Variants in FRMPD4 observed in about 807,000 individuals in gnomAD.
FRMPD4 encodes the protein FERM and PDZ domain containing 4.
In FRMPD4, 22 loss-of-function variants were observed where a neutral mutation model predicts 94.1. The ratio of observed to expected loss-of-function variants is 0.23; its 90% CI spans 0.17 to 0.33. FRMPD4 has a LOEUF of 0.33. Ranked by LOEUF, FRMPD4 falls within the 10% of genes least tolerant of loss-of-function variation. The pLI is 1.00. For synonymous variants in FRMPD4, 631 were observed against 548.6 expected (o/e 1.15, Z -2.10); for missense variants, 1,111 against 1,339.9 (o/e 0.83, Z 2.67).
rs139242886 is a variant in FRMPD4 at position 12,206,521 on chromosome X, T to C, written c.41+67509T>C. 7.2e-3 allele frequency among the ~76,000 whole-genome samples: 804 copies of C among 111,982 alleles called. 15 individuals are homozygous for C. In the East Asian group the frequency reaches 0.1, roughly 14 times the overall value. On this transcript the variant is annotated intron_variant, in intron 1 of 16. Coordinates refer to ENST00000675598, the MANE Select transcript of FRMPD4 (RefSeq NM_001368397.1). ...CAATCAGACATACTAACACCTGTCC[T>C]TGAATTAGTAGCTCATGGTTTGGAG...
chrX:12,387,065 T>G (rs917852563), intron 1 of FRMPD4, among the ~76,000 whole-genome samples: 2 of 112,386 alleles, frequency 1.8e-5, no homozygotes, highest in Admixed American at 1.9e-4. Context: ...CTGTATTTAG[T>G]TTTAACTTTG....
chrX:12,378,351 A>G (rs1255677845), intron 1 of FRMPD4, among the ~76,000 whole-genome samples: 1 of 112,518 alleles, frequency 8.9e-6, no homozygotes, highest in Non-Finnish European at 1.9e-5. Flanking sequence ...TGCTTTTTCA[A>G]TTAGTTTTAA....
chrX:12,085,196 G>A (rs370706525), intron 3 of FRMPD4, among the ~76,000 whole-genome samples: 84 of 112,007 alleles, frequency 7.5e-4, no homozygotes, highest in African/African-American at 2.4e-3. Context: ...AAGTCTTCAT[G>A]TGGATCTACC....
chrX:12,383,937 G>C (rs1338027647), intron 1 of FRMPD4, among the ~76,000 whole-genome samples: 1 of 111,083 alleles, frequency 9.0e-6, no homozygotes, highest in Non-Finnish European at 1.9e-5. Flanking sequence ...TTAAGTTACA[G>C]GTGAGACCAC....
intron 2 of FRMPD4, among the ~76,000 whole-genome samples, chrX:12,520,733 A>T (rs2058153236): frequency 8.9e-6 from 1 of 112,058 alleles, no homozygotes; most frequent in Non-Finnish European, 1.9e-5. Context: ...CATTCTCAGA[A>T]TCAGCCATGC....
intron 3 of FRMPD4, among the ~76,000 whole-genome samples, chrX:11,916,582 G>A (rs1054488393): frequency 1.8e-5 from 2 of 111,242 alleles, no homozygotes; most frequent in African/African-American, 3.3e-5. Context: ...GACTTCAGGA[G>A]AAGGGTTGGG....
intron 3 of FRMPD4, chrX:12,054,781 A>T (rs1197462116): frequency 8.9e-6 from 1 of 112,069 alleles, no homozygotes; most frequent in Admixed American, 9.5e-5. Context: ...GTGTATATCA[A>T]TTTTTTTAAG....
At position 12,048,972 on chromosome X, in the gene FRMPD4, C is replaced by CT. The variant is rs773742318; in HGVS notation, c.95+170960dup. Among the ~76,000 whole-genome samples the CT allele has an allele frequency of 4.9e-3, 549 of 111,342 alleles. 3 individuals carry two copies. The highest frequency in any genetic ancestry group is 0.017 in the African/African-American group (527 of 30,678). Reference sequence around the variant, plus strand: ...TAGGATTGCTTTGTCTATTCAGGCTCTTTTTTGGTTACATATGAATTTTAG... The same window carrying CT: ...TAGGATTGCTTTGTCTATTCAGGCTCTTTTTTTGGTTACATATGAATTTTAG... On this transcript the variant is annotated intron_variant, in intron 3 of 18. Transcript: ENST00000640291.
At chrX:12,310,435 A>AC (rs372869950) in intron 1 of FRMPD4, among the ~76,000 whole-genome samples, 47,992 of 110,616 alleles carry the variant, frequency 0.43, 8,069 homozygotes, top group African/African-American at 0.61. Context: ...CGTGCAAGTC[A>AC]AGGGGATGCG....
At chrX:12,205,419 A>G (rs913285191) in intron 1 of FRMPD4, among the ~76,000 whole-genome samples, 1 of 112,223 alleles carries the variant, frequency 8.9e-6, no homozygotes, top group Admixed American at 9.4e-5. Context: ...ATATAGTACC[A>G]TTTCCCTTCA....
intron 2 of FRMPD4, among the ~76,000 whole-genome samples, chrX:12,523,498 T>G (rs2058186478): frequency 8.9e-6 from 1 of 111,981 alleles, no homozygotes; most frequent in Non-Finnish European, 1.9e-5. Flanking sequence ...ATTTTTGAAA[T>G]AAAAGCTAAG....
At chrX:12,324,270 T>C (rs770996027) in intron 1 of FRMPD4, among the ~76,000 whole-genome samples, 3 of 112,317 alleles carry the variant, frequency 2.7e-5, no homozygotes, top group Non-Finnish European at 3.8e-5. Flanking sequence ...CATAACATCA[T>C]TTGCCAACAC....
At chrX:12,124,571 T>G (rs2055484023) in intron 3 of FRMPD4, among the ~76,000 whole-genome samples, 1 of 112,617 alleles carries the variant, frequency 8.9e-6, no homozygotes, top group Admixed American at 9.4e-5. Context: ...ACCAAGTGAA[T>G]GAAACTCTAT....
intron 1 of FRMPD4, among the ~76,000 whole-genome samples, chrX:12,354,422 G>C (rs2055863747): frequency 8.9e-6 from 1 of 111,877 alleles, no homozygotes; most frequent in Non-Finnish European, 1.9e-5. Context: ...GCCATACTCT[G>C]CCCCCAACTC....
At position 12,179,777 on chromosome X, in the gene FRMPD4, A is replaced by G. The variant is rs189480390; in HGVS notation, c.41+40765A>G. ...TAGTGCCCCATGGAGGGATTTTATT[A>G]TGTTTAATAAGGAATTTATAATAAA... On this transcript the variant is annotated intron_variant, in intron 1 of 16. Coordinates refer to ENST00000675598, the MANE Select transcript of FRMPD4 (RefSeq NM_001368397.1). 7.5e-4 allele frequency among the ~76,000 whole-genome samples: 84 copies of G among 111,630 alleles called. 1 individual carries two copies. The highest frequency in any genetic ancestry group is 2.6e-3 in the African/African-American group (81 of 30,738).
chrX:12,612,886 T>C (rs746864802), intron 3 of FRMPD4, among the ~76,000 whole-genome samples: 1 of 111,960 alleles, frequency 8.9e-6, no homozygotes, highest in South Asian at 3.8e-4. Context: ...AAAATGAATA[T>C]TTTGTATCAG....
intron 3 of FRMPD4, among the ~76,000 whole-genome samples, chrX:11,880,296 G>C (rs1177874403): frequency 9.0e-6 from 1 of 111,364 alleles, no homozygotes; most frequent in Non-Finnish European, 1.9e-5. Flanking sequence ...GGGGAGATAA[G>C]TGAGTTACTA....
intron 4 of FRMPD4, among the ~76,000 whole-genome samples, chrX:12,642,327 T>C (rs993475782): frequency 8.9e-6 from 1 of 112,050 alleles, no homozygotes; most frequent in African/African-American, 3.2e-5. Context: ...AAGATTCTCA[T>C]TGTCTCCTCA....
At chrX:12,275,526 G>A (rs935988673) in intron 1 of FRMPD4, among the ~76,000 whole-genome samples, 5 of 110,360 alleles carry the variant, frequency 4.5e-5, no homozygotes, top group Non-Finnish European at 9.5e-5. Context: ...GAGCTTTCAT[G>A]GGAAAGATAA....
Sources: gnomAD v4.1 joint callset for allele counts (sites outside exome capture counted in the v4.1 genomes callset) on GRCh38, gnomAD v4.1.1 for gene constraint, MANE v1.5 for transcripts, NCBI Gene and HGNC (gene_info 2026-07-23, HGNC 2026-07-21) for gene names.